Variants in METTL14 observed in about 807,000 individuals in gnomAD.
METTL14 encodes N(6)-adenosine-methyltransferase non-catalytic subunit METTL14.
In METTL14, 32 loss-of-function variants were observed where a neutral mutation model predicts 62.4. The observed-to-expected ratio is 0.51, with a 90% CI of 0.39 to 0.69. METTL14 has a LOEUF of 0.69. Ranked by LOEUF, METTL14 falls within the 30% of genes least tolerant of loss-of-function variation. The pLI is 0.00. For synonymous variants in METTL14, 150 were observed against 180.0 expected, an observed-to-expected ratio of 0.83 and a Z score of 1.34; for missense variants, 340 against 551.9, an observed-to-expected ratio of 0.62 and a Z score of 3.85.
intron 5 of METTL14, among the ~76,000 whole-genome samples, chr4:118,693,244 T>C (rs1206456050): frequency 6.6e-6 from 1 of 152,222 alleles, no homozygotes; most frequent in African/African-American, 2.4e-5. Context: ...ACTAATGATA[T>C]TGAGCATCTT....
intron 5 of METTL14, among the ~76,000 whole-genome samples, chr4:118,692,845 C>G (rs1724296374): frequency 1.3e-5 from 2 of 152,140 alleles, no homozygotes; most frequent in African/African-American, 4.8e-5. Flanking sequence ...TACCCCTTCT[C>G]AGCCTTAAGT....
intron 5 of METTL14, 55 bp from the exon 6 acceptor site, chr4:118,694,381 A>G (rs1724341920): frequency 1.4e-6 from 2 of 1,399,668 alleles, no homozygotes; most frequent in South Asian, 1.3e-5. Context: ...CTTTTGAATT[A>G]CTGATATTAA....
chr4:118,694,407 A>G, intron 5 of METTL14, 29 bp from the exon 6 acceptor site: 1 of 1,574,396 alleles, frequency 6.4e-7, no homozygotes, highest in Non-Finnish European at 8.7e-7. Context: ...GTTGAGATGA[A>G]TTCAGAATTT....
At chr4:118,706,138 C>T (rs922441217) in intron 10 of METTL14, among the ~76,000 whole-genome samples, 1 of 152,132 alleles carries the variant, frequency 6.6e-6, no homozygotes, top group Admixed American at 6.6e-5. Context: ...TTAGGATTCA[C>T]TCTTGGTTGT....
In METTL14 at chr4:118,685,546, C is replaced by G. The variant is rs771376883; in HGVS notation, c.12C>G (p.Arg4=). Residue 4 remains arginine, a synonymous_variant, in exon 1 of 11, where the codon CGC becomes CGG. Coordinates refer to ENST00000388822, the MANE Select transcript of METTL14 (RefSeq NM_020961.4). Reference sequence around the variant, plus strand: ...GCCGGAGTTGGAACATGGATAGCCGCTTGCAGGAGATCCGGGAGCGGCAGA... The same window carrying G: ...GCCGGAGTTGGAACATGGATAGCCGGTTGCAGGAGATCCGGGAGCGGCAGA... The part of the protein sequence containing the change: MDS[R]LQEIRERQKL... 6.8e-6 allele frequency: 11 copies of G among 1,614,054 alleles called. No homozygotes were observed. In the South Asian group the frequency reaches 1.2e-4, roughly 18 times the overall value.
chr4:118,692,921 A>G (rs1040505448), intron 5 of METTL14, among the ~76,000 whole-genome samples: 2 of 152,174 alleles, frequency 1.3e-5, no homozygotes, highest in Non-Finnish European at 2.9e-5. Context: ...AAATGAAATT[A>G]TACAATGTGT....
chr4:118,689,764 C>T (rs1411274306), intron 3 of METTL14, among the ~76,000 whole-genome samples: 3 of 151,718 alleles, frequency 2.0e-5, no homozygotes, highest in African/African-American at 7.3e-5. Context: ...CTGCCTCAGC[C>T]TCCCAAGTAG....
chr4:118,702,825 C>G (rs1724634632), intron 8 of METTL14, among the ~76,000 whole-genome samples: 1 of 150,430 alleles, frequency 6.6e-6, no homozygotes, highest in Non-Finnish European at 1.5e-5. Context: ...CTTACATTAC[C>G]CAATAAGCAT....
At position 118,711,877 on chromosome 4, in the gene METTL14, T is replaced by C. The variant is rs1312148451; in HGVS notation, c.*1575T>C. Reference sequence around the variant, plus strand: ...AGAAGTATCAGCTAAGGAGTGACCCTGTCCTATACACAGGGCTCTCTATTA... The same window carrying C: ...AGAAGTATCAGCTAAGGAGTGACCCCGTCCTATACACAGGGCTCTCTATTA... On this transcript the variant is annotated 3_prime_UTR_variant, in exon 11 of 11. Transcript: ENST00000388822. 6.6e-6 allele frequency: 1 copy of C among 152,192 alleles called. No individual in the cohort carries two copies. The highest frequency in any genetic ancestry group is 1.5e-5 in the Non-Finnish European group (1 of 68,042). The allele number at this position is 152,192 out of a possible 1,614,324, so 9.4% of individuals were successfully genotyped here.
chr4:118,697,311 G>C lies in METTL14; in HGVS notation c.633G>C (p.Trp211Cys). ...GCATCACTGCTAATGAAAAATGCTG[G>C]ACTTGGGATGATGTATGATCAAACT... ...ETGITANEKC[W>C]TWDDIMKLEI... is the part of the protein sequence containing the mutation. The change falls in exon 7 of 11, where the codon TGG (tryptophan) becomes TGC (cysteine). Residue 211 changes from tryptophan (W) to cysteine (C), a missense_variant. Around this residue, in one of 7 missense-constraint regions of METTL14, gnomAD observed 58 missense variants for 147.5 expected, o/e 0.39. Transcript: ENST00000388822. The C allele has an allele frequency of 6.2e-7, 1 of 1,600,818 alleles. No homozygotes were observed. The highest frequency in any genetic ancestry group is 8.5e-7 in the Non-Finnish European group (1 of 1,176,270).
intron 2 of METTL14, among the ~76,000 whole-genome samples, chr4:118,688,862 TG>T (rs1447556856): frequency 6.6e-6 from 1 of 152,052 alleles, no homozygotes; most frequent in Non-Finnish European, 1.5e-5. Context: ...TTAGTAAACA[TG>T]GGGTTTCATC....
intron 5 of METTL14, 55 bp from the exon 6 acceptor site, chr4:118,694,381 A>C: frequency 7.1e-7 from 1 of 1,399,668 alleles, no homozygotes; most frequent in Non-Finnish European, 9.9e-7. Context: ...CTTTTGAATT[A>C]CTGATATTAA....
intron 7 of METTL14, 33 bp from the exon 8 acceptor site, chr4:118,700,517 A>G: frequency 6.5e-7 from 1 of 1,530,360 alleles, no homozygotes. Flanking sequence ...GAAACAAAAT[A>G]CTTTTATGCA....
At chr4:118,700,760 T>G (rs1290449834) in intron 8 of METTL14, 118 bp downstream of exon 8, 1 of 663,232 alleles carries the variant, frequency 1.5e-6, no homozygotes, top group Non-Finnish European at 2.4e-6. Flanking sequence ...TAAATAATTC[T>G]AAAATAGTGA....
chr4:118,712,721 A>G lies in METTL14; in HGVS notation c.*2419A>G, dbSNP rs1224124378. 6.6e-6 allele frequency: 1 copy of G among 152,200 alleles called. No individual in the cohort carries two copies. Among genetic ancestry groups the G allele is most frequent in the African/African-American group, 2.4e-5 (1 of 41,452 alleles). 9.4% of individuals were successfully genotyped at this position (152,200 alleles called of 1,614,324 possible). ...TAATTATTGTGAAATAACCTAGTTT[A>G]GAAGTTAGAAGATCAGCATGTCTGA... On this transcript the variant is annotated 3_prime_UTR_variant, in exon 11 of 11. Coordinates refer to ENST00000388822, the MANE Select transcript of METTL14 (RefSeq NM_020961.4).
intron 6 of METTL14, among the ~76,000 whole-genome samples, chr4:118,696,007 G>A (rs1724397502): frequency 6.6e-6 from 1 of 150,820 alleles, no homozygotes; most frequent in Non-Finnish European, 1.5e-5. Flanking sequence ...CTATTCGGGA[G>A]GCAGAGGCTG....
intron 10 of METTL14, among the ~76,000 whole-genome samples, chr4:118,706,198 A>G (rs1258247047): frequency 6.6e-6 from 1 of 152,200 alleles, no homozygotes; most frequent in Non-Finnish European, 1.5e-5. Context: ...ATCCACCATT[A>G]TAGGATCATA....
At chr4:118,702,208 C>A (rs1181224934) in intron 8 of METTL14, among the ~76,000 whole-genome samples, 1 of 150,046 alleles carries the variant, frequency 6.7e-6, no homozygotes, top group Non-Finnish European at 1.5e-5. Context: ...CAAAACTCTG[C>A]TTCCCAGTTG....
At chr4:118,685,861 A>G (rs1724038839) in intron 1 of METTL14, among the ~76,000 whole-genome samples, 1 of 152,006 alleles carries the variant, frequency 6.6e-6, no homozygotes, top group Non-Finnish European at 1.5e-5. Context: ...TGGAACTCCC[A>G]CCGAGTGTCT....
Sources: allele counts gnomAD v4.1 joint callset (sites outside exome capture counted in the v4.1 genomes callset), GRCh38; gene constraint gnomAD v4.1.1; regional missense constraint gnomAD v4.1.1; transcripts MANE v1.5; gene names NCBI Gene and HGNC (gene_info 2026-07-23, HGNC 2026-07-21).